The following DOCK5 variants were observed in gnomAD, a reference collection of about 807,000 sequenced individuals.
The protein encoded by DOCK5 is dedicator of cytokinesis protein 5.
In DOCK5, 142 loss-of-function variants were observed where a neutral mutation model predicts 251.8. The ratio of observed to expected loss-of-function variants is 0.56; its 90% CI spans 0.49 to 0.65. DOCK5 has a LOEUF of 0.65. Ranked by LOEUF, DOCK5 falls within the 30% of genes least tolerant of loss-of-function variation. The pLI, the probability that DOCK5 is intolerant of heterozygous loss-of-function variation, is 0.00. For missense variants in DOCK5, 2,111 were observed against 2,312.3 expected, an observed-to-expected ratio of 0.91 and a Z score of 1.79; for synonymous variants, 842 against 835.5, an observed-to-expected ratio of 1.01 and a Z score of -0.13.
intron 39 of DOCK5, among the ~76,000 whole-genome samples, chr8:25,381,080 A>G (rs1801058919): frequency 6.6e-6 from 1 of 152,020 alleles, no homozygotes; most frequent in Admixed American, 6.6e-5. Flanking sequence ...ACTCTTCTGA[A>G]TGCCCAATAG....
At chr8:25,253,108 AC>A (rs1207607351) in intron 2 of DOCK5, among the ~76,000 whole-genome samples, 1 of 152,124 alleles carries the variant, frequency 6.6e-6, no homozygotes, top group African/African-American at 2.4e-5. Flanking sequence ...GCAGGTATGA[AC>A]CACCAACCCT....
rs1464770710 is a variant in DOCK5 at position 25,413,699 on chromosome 8, C to G, written c.*2401C>G. The G allele has an allele frequency of 6.6e-6, 1 of 152,244 alleles. No homozygotes were observed. Among genetic ancestry groups the G allele is most frequent in the African/African-American group, 2.4e-5 (1 of 41,466 alleles). The allele number at this position is 152,244 out of a possible 1,614,324, so 9.4% of individuals were successfully genotyped here. A position where few individuals can be genotyped will look rare whatever the true frequency, so the allele number is the denominator to read the frequency against. ...GAGGCTGGGAAGATAGGATACATCA[C>G]TGTCTGGATACCTTCTCTTTTTAAT... On this transcript the variant is annotated 3_prime_UTR_variant, in exon 52 of 52. Coordinates refer to ENST00000276440, the MANE Select transcript of DOCK5 (RefSeq NM_024940.8).
chr8:25,356,301 T>A (rs1421325017), intron 27 of DOCK5, among the ~76,000 whole-genome samples: 1 of 152,214 alleles, frequency 6.6e-6, no homozygotes, highest in African/African-American at 2.4e-5. Flanking sequence ...AGACTTTGGA[T>A]TATATGAACA....
chr8:25,331,809 G>T (rs202081468), intron 18 of DOCK5, among the ~76,000 whole-genome samples: 4,393 of 20,108 alleles, frequency 0.22, 99 homozygotes, highest in East Asian at 0.37. Context: ...TATAGAGAGA[G>T]AGAGAGAGAG....
intron 11 of DOCK5, 53 bp from the exon 12 acceptor site, chr8:25,308,730 C>A: frequency 6.3e-7 from 1 of 1,598,972 alleles, no homozygotes; most frequent in South Asian, 1.1e-5. Context: ...GGTTGTGCTG[C>A]AGAGACTTCC....
chr8:25,373,607 T>TC lies in DOCK5; in HGVS notation c.3685-11_3685-10insC. 1 of 1,589,980 alleles carries TC rather than the reference T, an allele frequency of 6.3e-7. No homozygotes were observed. The highest frequency in any genetic ancestry group is 8.6e-7 in the Non-Finnish European group (1 of 1,167,276). ...ATGTTGGGATTCTGTGATCCTTTTT[T>TC]TTCCTGGCAGAACTTTTATAAAGAA... On this transcript the variant is annotated splice_polypyrimidine_tract_variant and intron_variant, in intron 35 of 51. Transcript: ENST00000276440.
At chr8:25,329,541 T>C (rs1805635278) in intron 18 of DOCK5, among the ~76,000 whole-genome samples, 2 of 152,216 alleles carry the variant, frequency 1.3e-5, no homozygotes, top group Admixed American at 6.6e-5. Flanking sequence ...TTACTGAAGA[T>C]TTGAAATATC....
At chr8:25,283,964 C>T (rs922017510) in intron 5 of DOCK5, among the ~76,000 whole-genome samples, 1 of 152,244 alleles carries the variant, frequency 6.6e-6, no homozygotes, top group South Asian at 2.1e-4. Context: ...CTCCTGGTGA[C>T]GTACCAAGAC....
intron 1 of DOCK5, among the ~76,000 whole-genome samples, chr8:25,198,198 G>A (rs938826879): frequency 2.0e-5 from 3 of 152,266 alleles, no homozygotes; most frequent in South Asian, 2.1e-4. Flanking sequence ...AAGTTGCATC[G>A]TATTTGATTT....
chr8:25,322,297 CTTG>C (rs1425965892), intron 16 of DOCK5, among the ~76,000 whole-genome samples: 5 of 152,208 alleles, frequency 3.3e-5, no homozygotes, highest in African/African-American at 1.2e-4. Flanking sequence ...GGGGCAAAGA[CTTG>C]TAATGGAAGC....
intron 45 of DOCK5, 41 bp downstream of exon 45, chr8:25,395,760 G>C: frequency 1.3e-6 from 2 of 1,586,102 alleles, no homozygotes; most frequent in Admixed American, 1.8e-5. Flanking sequence ...TCACAGACCT[G>C]GGTGTCTGTG....
At chr8:25,238,904 C>T (rs950545421) in intron 1 of DOCK5, among the ~76,000 whole-genome samples, 2 of 152,128 alleles carry the variant, frequency 1.3e-5, no homozygotes, top group South Asian at 2.1e-4. Flanking sequence ...TAATGTGTAA[C>T]GAGGGCCCCA....
chr8:25,243,559 G>A, intron 1 of DOCK5, 115 bp from the exon 2 acceptor site: 2 of 901,524 alleles, frequency 2.2e-6, no homozygotes, highest in Non-Finnish European at 3.4e-6. Context: ...TTGAACTCCT[G>A]ACCTCATGAT....
At chr8:25,192,037 G>A (rs1249984058) in intron 1 of DOCK5, among the ~76,000 whole-genome samples, 4 of 151,496 alleles carry the variant, frequency 2.6e-5, no homozygotes, top group South Asian at 2.1e-4. Context: ...TTGTCCTTGC[G>A]ATAGTTTGCT....
Position 25,243,798 on chromosome 8 carries a change from A to G in DOCK5, c.127+41A>G, listed in dbSNP as rs376980871. The G allele has an allele frequency of 1.1e-4, 177 of 1,588,244 alleles. No homozygotes were observed. In the African/African-American group the frequency reaches 2.1e-3, roughly 19 times the overall value. On this transcript the variant is annotated intron_variant, in intron 2 of 51. Transcript: ENST00000276440. ...CTTCTGCCAGATGAGGGCAAGGGAA[A>G]AACAGTGTAAGTTACTTATTAAAAA... is the stretch of plus-strand genomic sequence containing the variant.
chr8:25,391,486 A>G (rs571247473), intron 42 of DOCK5, among the ~76,000 whole-genome samples: 1 of 152,038 alleles, frequency 6.6e-6, no homozygotes, highest in East Asian at 1.9e-4. Flanking sequence ...AAATACAAAA[A>G]AATTAGCCAG....
chr8:25,382,253 A>G (rs552240084), intron 39 of DOCK5, among the ~76,000 whole-genome samples: 2 of 152,302 alleles, frequency 1.3e-5, no homozygotes, highest in South Asian at 4.1e-4. Flanking sequence ...CAAGGATTAT[A>G]GGCGTGAGCC....
rs1183874511 is a variant in DOCK5 at position 25,263,104 on chromosome 8, C to T, written c.128-5741C>T. Among the ~76,000 whole-genome samples, 7 of 151,940 alleles carry T rather than the reference C, an allele frequency of 4.6e-5. 1 individual carries two copies. The highest frequency in any genetic ancestry group is 4.1e-4 in the South Asian group (2 of 4,824). Reference sequence around the variant, plus strand: ...ATTCTCTGTGAATTTACCTCTATTTCATACTCAAGGTTGCTGACAGGAGTA... The same window carrying T: ...ATTCTCTGTGAATTTACCTCTATTTTATACTCAAGGTTGCTGACAGGAGTA... On this transcript the variant is annotated intron_variant, in intron 2 of 51. Coordinates refer to ENST00000276440, the MANE Select transcript of DOCK5 (RefSeq NM_024940.8).
Position 25,308,929 on chromosome 8 carries a change from C to T in DOCK5, c.1192+4C>T, listed in dbSNP as rs112692045. The T allele has an allele frequency of 3.1e-6, 5 of 1,609,834 alleles. No homozygotes were observed. Among genetic ancestry groups the T allele is most frequent in the Non-Finnish European group, 4.2e-6 (5 of 1,176,600 alleles). The stretch of plus-strand genomic sequence containing the variant: ...GAAGTGAATCACAAAGGGCAAGGTA[C>T]AGTCCAGTGCCAGAGCTGGGAGGGA... On this transcript the variant is annotated splice_donor_region_variant and intron_variant, in intron 12 of 51. Coordinates refer to ENST00000276440, the MANE Select transcript of DOCK5 (RefSeq NM_024940.8).
Sources: gnomAD v4.1 joint callset for allele counts (sites outside exome capture counted in the v4.1 genomes callset) on GRCh38, gnomAD v4.1.1 for gene constraint, MANE v1.5 for transcripts, NCBI Gene and HGNC (gene_info 2026-07-23, HGNC 2026-07-21) for gene names.